The following NME7 variants were observed in gnomAD, a reference collection of about 807,000 sequenced individuals.
NME7 encodes the protein NME/NM23 family member 7, also known as nucleoside diphosphate kinase 7.
A neutral mutation model predicts 49.1 loss-of-function variants in NME7; 41 were observed. The observed-to-expected ratio is 0.83, with a 90% CI of 0.65 to 1.08. The LOEUF is 1.08. NME7 is among the 50% of genes least tolerant of loss of function. The pLI, the probability that NME7 is intolerant of heterozygous loss-of-function variation, is 0.00. For synonymous variants in NME7, 139 were observed against 150.6 expected (o/e 0.92, Z 0.56); for missense variants, 423 against 463.4 (o/e 0.91, Z 0.80).
At chr1:169,164,491 T>C (rs963755191) in intron 11 of NME7, among the ~76,000 whole-genome samples, 3 of 152,236 alleles carry the variant, frequency 2.0e-5, no homozygotes, top group Non-Finnish European at 4.4e-5. Flanking sequence ...GGGCAGGTAC[T>C]GTTATCTTCG....
intron 1 of NME7, among the ~76,000 whole-genome samples, chr1:169,347,204 A>C (rs1468105430): frequency 6.6e-6 from 1 of 152,124 alleles, no homozygotes; most frequent in Non-Finnish European, 1.5e-5. Context: ...CATCTCTAAA[A>C]ATGTAAGTAA....
intron 10 of NME7, among the ~76,000 whole-genome samples, chr1:169,206,553 T>G (rs1347391840): frequency 1.3e-5 from 2 of 152,138 alleles, no homozygotes; most frequent in Non-Finnish European, 2.9e-5. Flanking sequence ...GGTTCATAAT[T>G]TTGTCTTATG....
At chr1:169,303,944 G>A (rs1298835703) in intron 4 of NME7, among the ~76,000 whole-genome samples, 2 of 152,134 alleles carry the variant, frequency 1.3e-5, no homozygotes, top group African/African-American at 4.8e-5. Context: ...TTAATTTAAT[G>A]TTTATAGCTT....
chr1:169,337,415 G>A (rs945204252), intron 1 of NME7, among the ~76,000 whole-genome samples: 2 of 152,166 alleles, frequency 1.3e-5, no homozygotes, highest in Non-Finnish European at 2.9e-5. Flanking sequence ...ACTCCAGCTG[G>A]CCCGCAAGCG....
At chr1:169,155,762 G>GT (rs34178237) in intron 11 of NME7, among the ~76,000 whole-genome samples, 3,328 of 141,416 alleles carry the variant, frequency 0.024, 109 homozygotes, top group African/African-American at 0.076. Flanking sequence ...TTACTGTTTA[G>GT]TTTTTTTTTT....
intron 1 of NME7, among the ~76,000 whole-genome samples, chr1:169,342,786 A>T (rs1296968736): frequency 1.9e-5 from 1 of 53,326 alleles, no homozygotes; most frequent in African/African-American, 1.0e-4. Context: ...ATATATATAT[A>T]GTATATATAT....
At chr1:169,251,807 A>G (rs1199043418) in intron 7 of NME7, among the ~76,000 whole-genome samples, 3 of 148,458 alleles carry the variant, frequency 2.0e-5, no homozygotes, top group African/African-American at 5.0e-5. Flanking sequence ...GAGAATATGC[A>G]GTGTTTGGTT....
chr1:169,325,148 T>C (rs771517473), intron 1 of NME7, among the ~76,000 whole-genome samples: 9 of 152,070 alleles, frequency 5.9e-5, no homozygotes, highest in Non-Finnish European at 1.2e-4. Context: ...GAAAAGCCGA[T>C]AAAAACAATA....
chr1:169,263,949 C>T (rs1649240027), intron 7 of NME7, among the ~76,000 whole-genome samples: 1 of 133,822 alleles, frequency 7.5e-6, no homozygotes, highest in Non-Finnish European at 1.8e-5. Context: ...CTATATGCAA[C>T]ATTCTTTAAG....
At chr1:169,247,049 G>A (rs1464599361) in intron 7 of NME7, 7 of 456,068 alleles carry the variant, frequency 1.5e-5, no homozygotes, top group Non-Finnish European at 3.1e-5. Flanking sequence ...AGTAGTCAGG[G>A]GTTCCTCCTC....
intron 5 of NME7, among the ~76,000 whole-genome samples, chr1:169,300,222 G>T (rs182887149): frequency 2.2e-4 from 34 of 152,214 alleles, no homozygotes; most frequent in South Asian, 6.2e-4. Context: ...ACTAGGAGTT[G>T]TAAGTTAATG....
chr1:169,347,788 A>G (rs1383077436), intron 1 of NME7, among the ~76,000 whole-genome samples: 1 of 152,158 alleles, frequency 6.6e-6, no homozygotes, highest in African/African-American at 2.4e-5. Context: ...AATACGTAAT[A>G]AATAAGAATA....
At chr1:169,302,833 T>TC (rs1651001085) in intron 5 of NME7, among the ~76,000 whole-genome samples, 1 of 152,122 alleles carries the variant, frequency 6.6e-6, no homozygotes, top group Non-Finnish European at 1.5e-5. Context: ...ATAATAAAAA[T>TC]ATTGAACATC....
At chr1:169,336,419 G>C (rs892084592) in intron 1 of NME7, among the ~76,000 whole-genome samples, 3 of 152,114 alleles carry the variant, frequency 2.0e-5, no homozygotes, top group African/African-American at 7.2e-5. Context: ...TGGTAGAGCC[G>C]AGTGGCCTGT....
intron 7 of NME7, among the ~76,000 whole-genome samples, chr1:169,251,033 C>G (rs933441000): frequency 4.0e-5 from 6 of 151,740 alleles, no homozygotes; most frequent in African/African-American, 1.5e-4. Flanking sequence ...TCTTTGTTGA[C>G]TTTCTGTCTT....
chr1:169,324,589 C>T (rs1467143025), intron 1 of NME7, 89 bp from the exon 2 acceptor site: 1 of 767,196 alleles, frequency 1.3e-6, no homozygotes, highest in Admixed American at 2.5e-5. Context: ...TACCAATATG[C>T]AAGAAACAAA....
In NME7 at chr1:169,264,564, A is replaced by G. The variant is rs538082970; in HGVS notation, c.754+22739T>C. 3.1e-4 allele frequency among the ~76,000 whole-genome samples: 42 copies of G among 133,778 alleles called. 5 individuals are homozygous for G. Among genetic ancestry groups the G allele is most frequent in the Admixed American group, 8.7e-4 (12 of 13,718 alleles). 87.8% of individuals were successfully genotyped at this position (133,778 alleles called of 152,430 possible). ...TTAAATCCTAAAAATTTAGGATTCA[A>G]CTATCCTAAATCTATAGGCACCCAA... On this transcript the variant is annotated intron_variant, in intron 7 of 11. Coordinates refer to ENST00000367811, the MANE Select transcript of NME7 (RefSeq NM_013330.5).
chr1:169,155,244 T>TA (rs1659034671), intron 11 of NME7, among the ~76,000 whole-genome samples: 1 of 152,240 alleles, frequency 6.6e-6, no homozygotes, highest in Non-Finnish European at 1.5e-5. Flanking sequence ...ATGTGTAACT[T>TA]AGCCCAGTTG....
At chr1:169,170,257 G>C (rs1659542953) in intron 10 of NME7, among the ~76,000 whole-genome samples, 1 of 152,132 alleles carries the variant, frequency 6.6e-6, no homozygotes, top group Admixed American at 6.5e-5. Flanking sequence ...GATAAGGTTA[G>C]TCTGAGGGCA....
Sources: allele counts gnomAD v4.1 joint callset (sites outside exome capture counted in the v4.1 genomes callset), GRCh38; gene constraint gnomAD v4.1.1; transcripts MANE v1.5; gene names NCBI Gene and HGNC (gene_info 2026-07-23, HGNC 2026-07-21).